MED8: variants seen among roughly 807,000 people sequenced by gnomAD.
MED8 encodes mediator complex subunit 8.
Under a neutral mutation model 34.8 loss-of-function variants are expected in MED8, and 22 were observed. The observed-to-expected ratio is 0.63, with a 90% CI of 0.45 to 0.90. The LOEUF (loss-of-function observed/expected upper bound fraction) is 0.90, where lower values mean the gene tolerates loss of function less well. MED8 is among the 40% of genes least tolerant of loss of function. The pLI is 0.00. For synonymous variants in MED8, 105 were observed against 120.2 expected, an observed-to-expected ratio of 0.87 and a Z score of 0.83; for missense variants, 260 against 326.3, an observed-to-expected ratio of 0.80 and a Z score of 1.57.
chr1:43,384,309 A>C lies in MED8; in HGVS notation c.*733T>G, dbSNP rs1647647589. 5 of 1,090,496 alleles carry C rather than the reference A, an allele frequency of 4.6e-6. No homozygotes were observed. The allele number at this position is 1,090,496 out of a possible 1,614,324, so 67.6% of individuals were successfully genotyped here. ...GTGCTAAGGAAAAACCCTTTCCCAC[A>C]TAGTCCTGCCTGGCAGAGCCACTTC... On this transcript the variant is annotated 3_prime_UTR_variant, in exon 7 of 7. Transcript: ENST00000372457.
intron 3 of MED8, among the ~76,000 whole-genome samples, 152 bp from the exon 4 acceptor site, chr1:43,387,150 T>C (rs1394857597): frequency 6.6e-6 from 1 of 152,212 alleles, no homozygotes; most frequent in Non-Finnish European, 1.5e-5. Flanking sequence ...CACTCTCCTT[T>C]ACTCCATCCT....
chr1:43,385,084 T>G lies in MED8; in HGVS notation c.765A>C (p.Lys255Asn). The G allele has an allele frequency of 6.4e-7, 1 of 1,556,266 alleles. No individual in the cohort carries two copies. Among genetic ancestry groups the G allele is most frequent in the Non-Finnish European group, 8.7e-7 (1 of 1,149,242 alleles). ...GCATGGAAGCCGACTTGATGTTGGT[T>G]TTTATTCCACTTGGCATTTTCCCTG... is the stretch of plus-strand genomic sequence containing the variant. ...GQPGKMPSGI[K>N]TNIKSASMHP... Residue 255 changes from lysine (K) to asparagine (N), a missense_variant, in exon 7 of 7, where the codon AAA becomes AAC. By Grantham distance (94) the Lys-to-Asn change is moderately conservative. Transcript: ENST00000372457.
chr1:43,387,908 C>T (rs1471276665), intron 2 of MED8, among the ~76,000 whole-genome samples: 1 of 152,126 alleles, frequency 6.6e-6, no homozygotes, highest in African/African-American at 2.4e-5. Flanking sequence ...AAATAGGAAC[C>T]AGGGCTACAC....
chr1:43,385,962 AC>A lies in MED8; in HGVS notation c.742+15del, dbSNP rs754196773. On this transcript the variant is annotated intron_variant, in intron 6 of 6. Coordinates refer to ENST00000372457, the MANE Select transcript of MED8 (RefSeq NM_201542.5). ...CCTGCTCAAAGTCAGCTTCATTTCA[AC>A]CCCTGCCACCTTACCTGGTTGACCT... The A allele has an allele frequency of 1.2e-6, 2 of 1,613,682 alleles. No homozygotes were observed. Among genetic ancestry groups the A allele is most frequent in the Admixed American group, 3.3e-5 (2 of 59,984 alleles).
chr1:43,388,672 C>G (rs1647880063), intron 1 of MED8: 1 of 509,928 alleles, frequency 2.0e-6, no homozygotes, highest in Non-Finnish European at 3.5e-6. Flanking sequence ...TCCCCATCAC[C>G]TCCTAATCTA....
intron 1 of MED8, chr1:43,388,637 A>C: frequency 2.9e-6 from 2 of 688,614 alleles, no homozygotes; most frequent in Non-Finnish European, 4.6e-6. Context: ...CCTGACCCCA[A>C]GTCCTTCCAC....
chr1:43,384,520 G>A lies in MED8; in HGVS notation c.*522C>T, dbSNP rs1647657535. 2 of 1,611,776 alleles carry A rather than the reference G, an allele frequency of 1.2e-6. No individual in the cohort carries two copies. The highest frequency in any genetic ancestry group is 8.5e-7 in the Non-Finnish European group (1 of 1,178,952). Reference sequence around the variant, plus strand: ...AAGCTTCTTCACCTTGCGCCTTAGAGGGATAGCCAGAATGAAACCCAGGCA... The same window carrying A: ...AAGCTTCTTCACCTTGCGCCTTAGAAGGATAGCCAGAATGAAACCCAGGCA... On this transcript the variant is annotated 3_prime_UTR_variant, in exon 7 of 7. Coordinates refer to ENST00000372457, the MANE Select transcript of MED8 (RefSeq NM_201542.5).
intron 1 of MED8, 132 bp from the exon 2 acceptor site, chr1:43,388,560 G>C (rs1242557074): frequency 7.1e-7 from 1 of 1,416,168 alleles, no homozygotes; most frequent in Non-Finnish European, 9.4e-7. Context: ...AGGATAGCCA[G>C]GTTGTTTTCT....
At chr1:43,388,618 A>T in intron 1 of MED8, 190 bp from the exon 2 acceptor site, 2 of 905,996 alleles carry the variant, frequency 2.2e-6, no homozygotes, top group Non-Finnish European at 1.6e-6. Flanking sequence ...AGACCTTCCA[A>T]CCTGTTTGCC....
chr1:43,389,308 T>C (rs1210619330), intron 1 of MED8, among the ~76,000 whole-genome samples: 3 of 152,214 alleles, frequency 2.0e-5, no homozygotes, highest in Admixed American at 6.5e-5. Flanking sequence ...GATTATAAGC[T>C]GCTTAGCTTT....
chr1:43,386,985 C>A lies in MED8; in HGVS notation c.284G>T (p.Gly95Val). 3 of 1,614,008 alleles carry A rather than the reference C, an allele frequency of 1.9e-6. No individual in the cohort carries two copies. Among genetic ancestry groups the A allele is most frequent in the Non-Finnish European group, 2.5e-6 (3 of 1,179,880 alleles). Residue 95 changes from glycine (G) to valine (V), a missense_variant, in exon 4 of 7, where the codon GGA becomes GTA. Coordinates refer to ENST00000372457, the MANE Select transcript of MED8 (RefSeq NM_201542.5). The surrounding 1 kb of genome is among the most constrained non-coding windows in gnomAD (Gnocchi z 4.9). ...CTCATGGCTGAAAACAGGCACCCGT[C>A]CTTCAGTCTGCCGCTGTAACACACA... ...RDEDLMRQTEGRVPVFSHEVV... is the reference protein window; with the variant it reads ...RDEDLMRQTEVRVPVFSHEVV...
rs1408830341 is a variant in MED8 at position 43,385,988 on chromosome 1, T to C, written c.732A>G (p.Ala244=). 7 of 1,613,924 alleles carry C rather than the reference T, an allele frequency of 4.3e-6. No individual in the cohort carries two copies. Among genetic ancestry groups the C allele is most frequent in the Non-Finnish European group, 5.9e-6 (7 of 1,179,900 alleles). The part of the protein sequence containing the change: ...PMLSGVQMAQ[A]GQPGKMPSGI... ...CCCCTGCCACCTTACCTGGTTGACC[T>C]GCCTGAGCCATTTGTACCCCACTGA... is the stretch of plus-strand genomic sequence containing the variant. Residue 244 remains alanine (A), a synonymous_variant, in exon 6 of 7, where the codon GCA becomes GCG. Coordinates refer to ENST00000372457, the MANE Select transcript of MED8 (RefSeq NM_201542.5).
At chr1:43,385,772 A>G in intron 6 of MED8, 1 of 682,778 alleles carries the variant, frequency 1.5e-6, no homozygotes, top group Non-Finnish European at 2.4e-6. Context: ...AGTTTCTGTT[A>G]CTCAAAGTTC....
Position 43,384,909 on chromosome 1 carries a change from G to T in MED8, c.*133C>A. 6.9e-7 allele frequency: 1 copy of T among 1,440,092 alleles called. No individual in the cohort carries two copies. Among genetic ancestry groups the T allele is most frequent in the East Asian group, 2.5e-5 (1 of 39,872 alleles). The allele number at this position is 1,440,092 out of a possible 1,614,324, so 89.2% of individuals were successfully genotyped here. A position where few individuals can be genotyped will look rare whatever the true frequency, so the allele number is the denominator to read the frequency against. ...CAAGGTCACACAGCTAGTCAGTGGT[G>T]GAAGTGGGATTTGTCTGCTGCTGAA... On this transcript the variant is annotated 3_prime_UTR_variant, in exon 7 of 7. Coordinates refer to ENST00000372457, the MANE Select transcript of MED8 (RefSeq NM_201542.5).
chr1:43,387,529 A>C lies in MED8; in HGVS notation c.244T>G (p.Ser82Ala). The C allele has an allele frequency of 6.2e-7, 1 of 1,614,004 alleles. No individual in the cohort carries two copies. The highest frequency in any genetic ancestry group is 8.5e-7 in the Non-Finnish European group (1 of 1,179,876). The change falls in exon 3 of 7, where the codon TCT (serine) becomes GCT (alanine). Residue 82 changes from serine to alanine, a missense_variant. By Grantham distance (99) the Ser-to-Ala change is moderately conservative (BLOSUM62 1). Transcript: ENST00000372457. The stretch of plus-strand genomic sequence containing the variant: ...ATGAGATCTTCATCTCGGTCTGGAG[A>C]CAACACCAGAGGAATGATGACCTGG... ...RNQVIIPLVL[S>A]PDRDEDLMRQ...
At chr1:43,385,367 T>C in intron 6 of MED8, 1 of 444,818 alleles carries the variant, frequency 2.2e-6, no homozygotes, top group Non-Finnish European at 4.0e-6. Context: ...GTGACTCCCA[T>C]TTAACGTCAC....
At chr1:43,388,573 C>G in intron 1 of MED8, 145 bp from the exon 2 acceptor site, 1 of 1,383,126 alleles carries the variant, frequency 7.2e-7, no homozygotes, top group Non-Finnish European at 9.6e-7. Context: ...TGTTTTCTAT[C>G]TTTGGTATTT....
chr1:43,388,230 T>A (rs536763665), intron 2 of MED8, 80 bp downstream of exon 2: 2 of 1,335,096 alleles, frequency 1.5e-6, no homozygotes, highest in Non-Finnish European at 2.1e-6. Flanking sequence ...AATGGTTACA[T>A]CATTAGAAAT....
chr1:43,389,719 G>A lies in MED8; in HGVS notation c.6+40C>T, dbSNP rs758116617. The stretch of plus-strand genomic sequence containing the variant: ...CAGCCCACTCTCGGTCCCTGTACCC[G>A]AAGCTTGCCAGCCGCTAGTACGCCC... On this transcript the variant is annotated intron_variant, in intron 1 of 6. Coordinates refer to ENST00000372457, the MANE Select transcript of MED8 (RefSeq NM_201542.5). 2.5e-6 allele frequency: 4 copies of A among 1,602,026 alleles called. No individual in the cohort carries two copies. In the African/African-American group the frequency reaches 5.4e-5, roughly 22 times the overall value.
Sources: allele counts gnomAD v4.1 joint callset (sites outside exome capture counted in the v4.1 genomes callset), GRCh38; gene constraint gnomAD v4.1.1; non-coding constraint Gnocchi (gnomAD v3.1); transcripts MANE v1.5; gene names NCBI Gene and HGNC (gene_info 2026-07-23, HGNC 2026-07-21).